The following WDR35 variants were observed in gnomAD, a reference collection of about 807,000 sequenced individuals.
WDR35 encodes WD repeat-containing protein 35.
WDR35 carries 118 observed loss-of-function variants against 158.3 expected under a neutral mutation model. That is an observed-to-expected ratio of 0.75 (90% CI 0.64 to 0.87). The LOEUF (loss-of-function observed/expected upper bound fraction) is 0.87, where lower values mean the gene tolerates loss of function less well. Among genes scored for constraint, WDR35 ranks in the 40% least tolerant of loss-of-function variants. The probability of loss-of-function intolerance (pLI) is 0.00; values close to 1 mark genes in which losing one functional copy is unlikely to be tolerated. For missense variants in WDR35, 1,263 were observed against 1,405.8 expected, an observed-to-expected ratio of 0.90 and a Z score of 1.62; for synonymous variants, 448 against 476.1, an observed-to-expected ratio of 0.94 and a Z score of 0.77.
At chr2:19,921,403 G>A (rs992494063) in intron 25 of WDR35, among the ~76,000 whole-genome samples, 2 of 152,118 alleles carry the variant, frequency 1.3e-5, no homozygotes, top group African/African-American at 4.8e-5. Flanking sequence ...GAACAGAATA[G>A]AGGCCTCAGA....
intron 25 of WDR35, among the ~76,000 whole-genome samples, chr2:19,920,610 C>G (rs1670140015): frequency 6.6e-6 from 1 of 152,148 alleles, no homozygotes; most frequent in East Asian, 1.9e-4. Context: ...ATGACAAACC[C>G]ACAGCCAATA....
chr2:19,983,744 A>G (rs1672462155), intron 2 of WDR35, among the ~76,000 whole-genome samples: 2 of 152,140 alleles, frequency 1.3e-5, no homozygotes, highest in South Asian at 4.1e-4. Context: ...CTAAATCACT[A>G]GTTCTAATTA....
At chr2:19,946,698 G>A in intron 14 of WDR35, 128 bp from the exon 15 acceptor site, 1 of 808,634 alleles carries the variant, frequency 1.2e-6, no homozygotes, top group Admixed American at 2.0e-5. Flanking sequence ...TCTCAATTCT[G>A]ATAATGAATC....
Position 19,933,419 on chromosome 2 carries a change from G to A in WDR35, c.2640C>T (p.Thr880=), listed in dbSNP as rs141033556. Residue 880 remains threonine, a synonymous_variant, in exon 22 of 27, where the codon ACC becomes ACT. Coordinates refer to ENST00000281405, the MANE Select transcript of WDR35 (RefSeq NM_020779.4). ...KCSQPKAAVD[T]CVHLNQWNKA... is the part of the protein sequence containing the mutation. ...TTCCTACTTGGTTGAGATGTACGCAGGTATCTACTGCTGCCTTTGGTTGAC... is the reference window on the plus strand; with the variant it reads ...TTCCTACTTGGTTGAGATGTACGCAAGTATCTACTGCTGCCTTTGGTTGAC... 1 of 1,613,692 alleles carries A rather than the reference G, an allele frequency of 6.2e-7. No homozygotes were observed. Among genetic ancestry groups the A allele is most frequent in the East Asian group, 2.2e-5 (1 of 44,876 alleles).
At position 19,947,230 on chromosome 2, in the gene WDR35, G is replaced by A. The variant is rs145944610; in HGVS notation, c.1525-660C>T. ...CTTGGCTGCCTCAGGCCATGGCAGT[G>A]GGACAAAGTGGAAGCCTCCACACAG... On this transcript the variant is annotated intron_variant, in intron 14 of 26. Coordinates refer to ENST00000281405, the MANE Select transcript of WDR35 (RefSeq NM_020779.4). Among the ~76,000 whole-genome samples, 112 of 152,250 alleles carry A rather than the reference G, an allele frequency of 7.4e-4. 3 individuals are homozygous for A. The East Asian group carries it at 0.02, about 28-fold the overall frequency.
At chr2:19,985,207 G>C (rs1043512405) in intron 2 of WDR35, among the ~76,000 whole-genome samples, 1 of 151,726 alleles carries the variant, frequency 6.6e-6, no homozygotes. Flanking sequence ...CCTCTCATGA[G>C]GATGAGGGTG....
At chr2:19,914,944 G>T (rs548383641) in intron 25 of WDR35, among the ~76,000 whole-genome samples, 4 of 151,976 alleles carry the variant, frequency 2.6e-5, no homozygotes, top group Non-Finnish European at 5.9e-5. Flanking sequence ...TTGGGGGTGG[G>T]GGGCTAGGGG....
chr2:19,955,210 A>AG (rs1671388406), intron 11 of WDR35, among the ~76,000 whole-genome samples: 1 of 152,158 alleles, frequency 6.6e-6, no homozygotes, highest in Non-Finnish European at 1.5e-5. Context: ...TCAGCCTCCC[A>AG]AAGTGCTGGG....
In WDR35 at chr2:19,975,615, A is replaced by G. The variant is rs754439440; in HGVS notation, c.485T>C (p.Val162Ala). 3.7e-6 allele frequency: 6 copies of G among 1,614,016 alleles called. No individual in the cohort carries two copies. The highest frequency in any genetic ancestry group is 1.6e-4 in the Middle Eastern group (1 of 6,080). ...KDLKGIQLSH[V>A]TWSADSKVLL... ...GACTTTACTGTCCGCAGACCATGTT[A>G]CATGGGATAGCTGTATACCCTTCAG... Residue 162 changes from valine to alanine, a missense_variant, in exon 6 of 27, where the codon GTA becomes GCA. By Grantham distance (64) the Val-to-Ala change is moderately conservative (BLOSUM62 0). Transcript: ENST00000281405.
chr2:19,958,610 A>G (rs758187789), intron 11 of WDR35, among the ~76,000 whole-genome samples: 1 of 152,238 alleles, frequency 6.6e-6, no homozygotes, highest in Non-Finnish European at 1.5e-5. Flanking sequence ...ATGATAGAAA[A>G]TAAATAATTT....
chr2:19,957,427 CA>C (rs1254416922), intron 11 of WDR35, among the ~76,000 whole-genome samples: 1 of 151,878 alleles, frequency 6.6e-6, no homozygotes, highest in East Asian at 1.9e-4. Flanking sequence ...CTAGGAAAAG[CA>C]AAACAAAATC....
chr2:19,932,486 TAC>T (rs1221202362), intron 22 of WDR35, 39 bp from the exon 23 acceptor site: 1 of 1,610,882 alleles, frequency 6.2e-7, no homozygotes, highest in Admixed American at 1.7e-5. Context: ...CCCAAGTATT[TAC>T]AGTCACATAT....
chr2:19,955,800 A>AAGAATT (rs1163146475), intron 11 of WDR35, among the ~76,000 whole-genome samples: 1 of 152,214 alleles, frequency 6.6e-6, no homozygotes, highest in Admixed American at 6.5e-5. Context: ...AAACTGAACA[A>AAGAATT]AGAATTAGAA....
chr2:19,951,360 T>C (rs1308233231), intron 13 of WDR35, 55 bp downstream of exon 13: 4 of 1,378,878 alleles, frequency 2.9e-6, no homozygotes, highest in South Asian at 1.3e-5. Context: ...AATAAAATTA[T>C]AATATTTCAA....
intron 2 of WDR35, 48 bp from the exon 3 acceptor site, chr2:19,982,582 A>G: frequency 6.3e-7 from 1 of 1,580,258 alleles, no homozygotes. Flanking sequence ...TAAAAGTGAC[A>G]TATTATAAGA....
At chr2:19,983,512 C>A (rs900120788) in intron 2 of WDR35, among the ~76,000 whole-genome samples, 1 of 152,192 alleles carries the variant, frequency 6.6e-6, no homozygotes, top group African/African-American at 2.4e-5. Context: ...AAAATGTCAT[C>A]TCAATAAATT....
intron 10 of WDR35, among the ~76,000 whole-genome samples, chr2:19,965,245 T>G (rs1671811725): frequency 1.3e-5 from 2 of 152,222 alleles, no homozygotes; most frequent in African/African-American, 4.8e-5. Flanking sequence ...TTTTCAGACG[T>G]GTCCTTCCTG....
chr2:19,943,464 T>C (rs1670940557), intron 16 of WDR35, among the ~76,000 whole-genome samples: 1 of 152,168 alleles, frequency 6.6e-6, no homozygotes, highest in African/African-American at 2.4e-5. Flanking sequence ...AATAAAGTTA[T>C]GTCATCCAGT....
chr2:19,947,352 T>C (rs1164960426), intron 14 of WDR35, among the ~76,000 whole-genome samples: 1 of 152,152 alleles, frequency 6.6e-6, no homozygotes, highest in African/African-American at 2.4e-5. Context: ...ACTATAGAAA[T>C]ACTATGCTCT....
Sources: allele counts gnomAD v4.1 joint callset (sites outside exome capture counted in the v4.1 genomes callset), GRCh38; gene constraint gnomAD v4.1.1; transcripts MANE v1.5; gene names NCBI Gene and HGNC (gene_info 2026-07-23, HGNC 2026-07-21).